ARHGEF37: variants seen among roughly 807,000 people sequenced by gnomAD.
The protein encoded by ARHGEF37 is Rho guanine nucleotide exchange factor (GEF) 37.
In ARHGEF37, 55 loss-of-function variants were observed where a neutral mutation model predicts 71.1. The ratio of observed to expected loss-of-function variants is 0.77; its 90% confidence interval spans 0.62 to 0.97. The LOEUF (loss-of-function observed/expected upper bound fraction) is 0.97, where lower values mean the gene tolerates loss of function less well. Ranked by LOEUF, ARHGEF37 falls within the 50% of genes least tolerant of loss-of-function variation. The pLI is 0.00. For synonymous variants in ARHGEF37, 327 were observed against 350.6 expected (o/e 0.93, Z 0.75); for missense variants, 765 against 836.8 (o/e 0.91, Z 1.06).
chr5:149,618,669 A>G (rs190054268), intron 6 of ARHGEF37, among the ~76,000 whole-genome samples: 360 of 152,352 alleles, frequency 2.4e-3, no homozygotes, highest in African/African-American at 8.2e-3. Context: ...TATCCCCATG[A>G]GAAAACAGAA....
Position 149,615,686 on chromosome 5 carries a change from T to C in ARHGEF37, c.459-881T>C, listed in dbSNP as rs571718108. Among the ~76,000 whole-genome samples the C allele has an allele frequency of 9.0e-4, 137 of 152,056 alleles. 1 individual carries two copies. Among genetic ancestry groups the C allele is most frequent in the Admixed American group, 4.9e-3 (75 of 15,292 alleles). On this transcript the variant is annotated intron_variant, in intron 4 of 12. Transcript: ENST00000333677. ...GCGGGCAAATCACAAGGTCAAGAGA[T>C]TGAGACCATCCTGGCCAACATGGTG... is the stretch of plus-strand genomic sequence containing the variant.
chr5:149,593,276 T>C (rs1386678274), intron 1 of ARHGEF37, among the ~76,000 whole-genome samples: 1 of 152,218 alleles, frequency 6.6e-6, no homozygotes, highest in Admixed American at 6.5e-5. Flanking sequence ...AACATTTTCA[T>C]CATTTCCCCA....
intron 1 of ARHGEF37, among the ~76,000 whole-genome samples, chr5:149,597,447 C>T (rs921260199): frequency 1.3e-5 from 2 of 151,804 alleles, no homozygotes; most frequent in African/African-American, 2.4e-5. Flanking sequence ...TTAGTAGAGA[C>T]GGGGTTTCAT....
At chr5:149,618,830 G>A (rs565110791) in intron 6 of ARHGEF37, 108 bp from the exon 7 acceptor site, 2 of 880,310 alleles carry the variant, frequency 2.3e-6, no homozygotes, top group African/African-American at 1.6e-5. Context: ...AACCAGCTCT[G>A]GTGGGCGAGT....
At chr5:149,586,815 G>A (rs950677050) in intron 1 of ARHGEF37, among the ~76,000 whole-genome samples, 3 of 152,134 alleles carry the variant, frequency 2.0e-5, no homozygotes, top group African/African-American at 7.2e-5. Context: ...CTCTACACCA[G>A]CCTCCACCAC....
intron 11 of ARHGEF37, 21 bp downstream of exon 11, chr5:149,627,292 CCTT>C (rs1251006842): frequency 5.6e-6 from 9 of 1,603,926 alleles, no homozygotes; most frequent in Middle Eastern, 3.5e-4. Context: ...CTTTGGGAGC[CCTT>C]CTTCTCCTTC....
chr5:149,592,096 T>C (rs1763424381), intron 1 of ARHGEF37, among the ~76,000 whole-genome samples: 1 of 152,230 alleles, frequency 6.6e-6, no homozygotes, highest in Admixed American at 6.5e-5. Context: ...TCCCCAATGG[T>C]TACATCTTAT....
At chr5:149,594,241 T>C (rs980360880) in intron 1 of ARHGEF37, among the ~76,000 whole-genome samples, 5 of 152,246 alleles carry the variant, frequency 3.3e-5, no homozygotes, top group Admixed American at 6.5e-5. Context: ...AGTAGTTCTC[T>C]GTAAAGTATT....
At position 149,602,131 on chromosome 5, in the gene ARHGEF37, A is replaced by C. The variant is rs368056123; in HGVS notation, c.310+900A>C. Among the ~76,000 whole-genome samples, 16 of 149,238 alleles carry C rather than the reference A, an allele frequency of 1.1e-4. No homozygotes were observed. The East Asian group carries it at 1.2e-3, about 11-fold the overall frequency. ...GAGTGCAGCGGCATGATCTCGGCTC[A>C]CTGCAACCTCCGCCTCCTGGGTTCA... is the stretch of plus-strand genomic sequence containing the variant. On this transcript the variant is annotated intron_variant, in intron 3 of 12. Transcript: ENST00000333677.
Position 149,598,472 on chromosome 5 carries a change from T to C in ARHGEF37, c.186+517T>C, listed in dbSNP as rs1315820706. 4.0e-5 allele frequency among the ~76,000 whole-genome samples: 6 copies of C among 150,990 alleles called. No individual in the cohort carries two copies. The East Asian group carries it at 9.7e-4, about 24-fold the overall frequency. ...TTCTTTCTTCTTCCTCTTCTTTCTT[T>C]TTCCTCTTCTTCTTCTTCCTCCTCT... On this transcript the variant is annotated intron_variant, in intron 2 of 12. Coordinates refer to ENST00000333677, the MANE Select transcript of ARHGEF37 (RefSeq NM_001001669.3).
chr5:149,627,542 G>A (rs1191044923), intron 11 of ARHGEF37, among the ~76,000 whole-genome samples: 3 of 152,234 alleles, frequency 2.0e-5, no homozygotes, highest in African/African-American at 7.2e-5. Flanking sequence ...ATAAGACAAG[G>A]CCCCTGCCTG....
chr5:149,610,247 C>T (rs1399743583), intron 4 of ARHGEF37, among the ~76,000 whole-genome samples: 2 of 152,092 alleles, frequency 1.3e-5, no homozygotes, highest in Non-Finnish European at 2.9e-5. Flanking sequence ...CCCATGTGTT[C>T]CCATAGTGAT....
At chr5:149,573,821 T>C (rs961640457) in intron 1 of ARHGEF37, among the ~76,000 whole-genome samples, 1 of 152,184 alleles carries the variant, frequency 6.6e-6, no homozygotes, top group African/African-American at 2.4e-5. Flanking sequence ...CAATATATCA[T>C]ATCTATAACG....
chr5:149,571,645 G>A (rs1215910380), intron 1 of ARHGEF37, among the ~76,000 whole-genome samples: 2 of 152,120 alleles, frequency 1.3e-5, no homozygotes, highest in East Asian at 3.9e-4. Flanking sequence ...CGTGGGCCAG[G>A]CACAGTGGTG....
At chr5:149,557,808 T>A (rs1019387047) in intron 1 of ARHGEF37, among the ~76,000 whole-genome samples, 1 of 152,238 alleles carries the variant, frequency 6.6e-6, no homozygotes, top group Admixed American at 6.5e-5. Flanking sequence ...TTTATTCTTT[T>A]GATTCATATA....
chr5:149,609,425 C>A, intron 3 of ARHGEF37, 123 bp from the exon 4 acceptor site: 1 of 1,054,070 alleles, frequency 9.5e-7, no homozygotes, highest in Non-Finnish European at 1.4e-6. Flanking sequence ...CCCATGGTGA[C>A]ATGCTGGTAA....
chr5:149,608,474 A>G (rs866066648), intron 3 of ARHGEF37, among the ~76,000 whole-genome samples: 57 of 151,722 alleles, frequency 3.8e-4, no homozygotes, highest in African/African-American at 1.4e-3. Flanking sequence ...AGGTTCAAGC[A>G]ATTCTCCTCC....
chr5:149,582,443 C>T (rs1401712329), intron 1 of ARHGEF37, among the ~76,000 whole-genome samples: 1 of 152,160 alleles, frequency 6.6e-6, no homozygotes, highest in Non-Finnish European at 1.5e-5. Context: ...ATCCAGGAAG[C>T]ATAGTTTAAC....
chr5:149,605,425 T>C (rs1177387234), intron 3 of ARHGEF37, among the ~76,000 whole-genome samples: 1 of 152,188 alleles, frequency 6.6e-6, no homozygotes, highest in African/African-American at 2.4e-5. Flanking sequence ...ACTTTTGTTT[T>C]GTATGAAGTC....
Sources: gnomAD v4.1 joint callset for allele counts (sites outside exome capture counted in the v4.1 genomes callset) on GRCh38, gnomAD v4.1.1 for gene constraint, MANE v1.5 for transcripts, NCBI Gene and HGNC (gene_info 2026-07-23, HGNC 2026-07-21) for gene names.